The following YAF2 variants were observed in gnomAD, a reference collection of about 807,000 sequenced individuals.
YAF2 encodes YY1 associated factor 2, also known as YY1-associated factor 2.
In YAF2, 7 loss-of-function variants were observed where a neutral mutation model predicts 20.1. That is an observed-to-expected ratio of 0.35 (90% CI 0.20 to 0.65). The LOEUF is 0.65. Among genes scored for constraint, YAF2 ranks in the 30% least tolerant of loss-of-function variants. The pLI is 0.69. For missense variants in YAF2, 151 were observed against 219.2 expected (o/e 0.69, Z 1.96); for synonymous variants, 74 against 76.0 (o/e 0.97, Z 0.14).
chr12:42,230,265 G>T (rs954236604), intron 2 of YAF2, among the ~76,000 whole-genome samples: 1 of 144,464 alleles, frequency 6.9e-6, no homozygotes, highest in Admixed American at 6.7e-5. Flanking sequence ...AGAAAGAAAA[G>T]AAAGAGAAGA....
rs71084626 is a variant in YAF2 at position 42,228,474 on chromosome 12, TGGGGGG to T, written c.152+9119_152+9124del. ...CCAGCCGCCCCGTCCGGGAGGGAGG[TGGGGGG>T]GGGGGGTCAGCCCCCCCGCCTGGCC... On this transcript the variant is annotated intron_variant, in intron 2 of 3. Transcript: ENST00000534854. Among the ~76,000 whole-genome samples the T allele has an allele frequency of 7.0e-3, 45 of 6,474 alleles. 2 individuals are homozygous for T. The highest frequency in any genetic ancestry group is 9.2e-3 in the Non-Finnish European group (38 of 4,142). 4.2% of individuals were successfully genotyped at this position (6,474 alleles called of 152,430 possible). A position where few individuals can be genotyped will look rare whatever the true frequency, so the allele number is the denominator to read the frequency against.
Position 42,160,786 on chromosome 12 carries a change from A to G in YAF2, c.346T>C (p.Leu116=). The change falls in exon 4 of 4, where the codon TTG becomes CTG. Residue 116 remains leucine, a synonymous_variant. Transcript: ENST00000534854. ...KNVDRSSAQH[L]EVTVGDLTVI... is the part of the protein sequence containing the mutation. ...GTCAGATCTCCAACAGTAACTTCCA[A>G]ATGCTGAGCACTACTCCGATCCACA... 6.2e-7 allele frequency: 1 copy of G among 1,613,822 alleles called. No homozygotes were observed. Among genetic ancestry groups the G allele is most frequent in the Non-Finnish European group, 8.5e-7 (1 of 1,179,878 alleles).
chr12:42,233,685 T>A (rs2068048807), intron 2 of YAF2: 15 of 802,022 alleles, frequency 1.9e-5, no homozygotes, highest in African/African-American at 7.5e-5. Flanking sequence ...CTAATTTTTT[T>A]AATTTTTAGT....
intron 2 of YAF2, among the ~76,000 whole-genome samples, chr12:42,189,218 T>C (rs1321626255): frequency 6.6e-6 from 1 of 152,100 alleles, no homozygotes; most frequent in Non-Finnish European, 1.5e-5. Flanking sequence ...AATAATCAAC[T>C]ACAACTGCAT....
chr12:42,216,811 C>G (rs888050371), intron 2 of YAF2, among the ~76,000 whole-genome samples: 7 of 152,164 alleles, frequency 4.6e-5, no homozygotes, highest in Non-Finnish European at 1.0e-4. Flanking sequence ...TACCTTCCCC[C>G]AAACCTGTCT....
intron 2 of YAF2, among the ~76,000 whole-genome samples, chr12:42,236,744 A>G (rs2068171989): frequency 6.6e-6 from 1 of 152,212 alleles, no homozygotes; most frequent in African/African-American, 2.4e-5. Flanking sequence ...TCTTCTCTAA[A>G]TATTAAGTAA....
Position 42,157,953 on chromosome 12 carries a change from A to C in YAF2, c.*2636T>G, listed in dbSNP as rs1042557575. On this transcript the variant is annotated 3_prime_UTR_variant, in exon 4 of 4. Coordinates refer to ENST00000534854, the MANE Select transcript of YAF2 (RefSeq NM_005748.6). ...CTCTTACTTATAGCAAAGTAAGGTA[A>C]TAAATGCTGGAAAACATCCAAATTC... 6.6e-6 allele frequency: 1 copy of C among 152,168 alleles called. No individual in the cohort carries two copies. The highest frequency in any genetic ancestry group is 6.6e-5 in the Admixed American group (1 of 15,266). The allele number at this position is 152,168 out of a possible 1,614,324, so 9.4% of individuals were successfully genotyped here.
intron 2 of YAF2, among the ~76,000 whole-genome samples, chr12:42,213,869 CAG>C (rs1466594125): frequency 1.2e-4 from 19 of 152,098 alleles, no homozygotes; most frequent in Admixed American, 3.3e-4. Context: ...AAAATTCAAA[CAG>C]GGGTACTACA....
At chr12:42,211,220 A>G (rs1048073683) in intron 2 of YAF2, among the ~76,000 whole-genome samples, 8 of 151,882 alleles carry the variant, frequency 5.3e-5, no homozygotes, top group African/African-American at 9.7e-5. Context: ...TGAGATCAGG[A>G]GTTCGAGACC....
At chr12:42,210,535 T>C in intron 2 of YAF2, 1 of 1,536,054 alleles carries the variant, frequency 6.5e-7, no homozygotes. Flanking sequence ...CATGCTTCAG[T>C]GCACTTGCTT....
chr12:42,193,182 G>C (rs2066660378), intron 2 of YAF2, among the ~76,000 whole-genome samples: 1 of 151,956 alleles, frequency 6.6e-6, no homozygotes, highest in African/African-American at 2.4e-5. Flanking sequence ...GGGTGTGGTG[G>C]TGCATGCCTG....
At chr12:42,180,356 A>G (rs2066311553) in intron 2 of YAF2, among the ~76,000 whole-genome samples, 1 of 152,210 alleles carries the variant, frequency 6.6e-6, no homozygotes. Flanking sequence ...TCAACAGGTC[A>G]TCAGGAACTA....
At chr12:42,233,738 C>A in intron 2 of YAF2, 1 of 975,366 alleles carries the variant, frequency 1.0e-6, no homozygotes, top group Non-Finnish European at 1.2e-6. Context: ...GTCTCAAACT[C>A]CTGGCCTCAA....
chr12:42,235,526 A>G, intron 2 of YAF2: 2 of 1,320,306 alleles, frequency 1.5e-6, no homozygotes, highest in East Asian at 3.5e-5. Context: ...TAGAGCTCTT[A>G]GGTTTAACTT....
chr12:42,157,899 C>A lies in YAF2; in HGVS notation c.*2690G>T, dbSNP rs1230577159. Reference sequence around the variant, plus strand: ...CAGCCCAAAGTGCTGGGATTACTGGCATGAGCCATCACACCCGGCCTATCT... The same window carrying A: ...CAGCCCAAAGTGCTGGGATTACTGGAATGAGCCATCACACCCGGCCTATCT... On this transcript the variant is annotated 3_prime_UTR_variant, in exon 4 of 4. Transcript: ENST00000534854. 1 of 152,060 alleles carries A rather than the reference C, an allele frequency of 6.6e-6. No individual in the cohort carries two copies. The highest frequency in any genetic ancestry group is 1.5e-5 in the Non-Finnish European group (1 of 67,996). The allele number at this position is 152,060 out of a possible 1,614,324, so 9.4% of individuals were successfully genotyped here. A position where few individuals can be genotyped will look rare whatever the true frequency, so the allele number is the denominator to read the frequency against.
At chr12:42,234,123 G>T in intron 2 of YAF2, 1 of 833,402 alleles carries the variant, frequency 1.2e-6, no homozygotes, top group Non-Finnish European at 1.4e-6. Flanking sequence ...GTGAGCCGAG[G>T]TCACGCCACT....
intron 2 of YAF2, among the ~76,000 whole-genome samples, chr12:42,218,210 A>G (rs1424419439): frequency 6.6e-6 from 1 of 151,692 alleles, no homozygotes; most frequent in Admixed American, 6.6e-5. Flanking sequence ...ACACACACAC[A>G]CACACACACA....
chr12:42,188,512 A>G (rs7138877), intron 2 of YAF2, among the ~76,000 whole-genome samples: 53,270 of 150,478 alleles, frequency 0.35, 9,717 homozygotes, highest in South Asian at 0.48. Context: ...CAGCCTCCTG[A>G]GTAGCTGGGA....
chr12:42,226,626 T>C (rs2067708290), intron 2 of YAF2, among the ~76,000 whole-genome samples: 1 of 152,088 alleles, frequency 6.6e-6, no homozygotes, highest in South Asian at 2.1e-4. Flanking sequence ...TCCACACCAC[T>C]GCACTCCACC....
Sources: gnomAD v4.1 joint callset for allele counts (sites outside exome capture counted in the v4.1 genomes callset) on GRCh38, gnomAD v4.1.1 for gene constraint, MANE v1.5 for transcripts, NCBI Gene and HGNC (gene_info 2026-07-23, HGNC 2026-07-21) for gene names.